The following HPSE2 variants were observed in gnomAD, a reference collection of about 807,000 sequenced individuals.
The protein encoded by HPSE2 is inactive heparanase-2.
HPSE2 carries 38 observed loss-of-function variants against 60.5 expected under a neutral mutation model. The observed-to-expected ratio is 0.63, with a 90% CI of 0.48 to 0.82. HPSE2 has a LOEUF of 0.82. Ranked by LOEUF, HPSE2 falls within the 40% of genes least tolerant of loss-of-function variation. The probability of loss-of-function intolerance (pLI) is 0.00; values close to 1 mark genes in which losing one functional copy is unlikely to be tolerated. For missense variants in HPSE2, 713 were observed against 740.4 expected, an observed-to-expected ratio of 0.96 and a Z score of 0.43; for synonymous variants, 295 against 293.2, an observed-to-expected ratio of 1.01 and a Z score of -0.06.
intron 3 of HPSE2, among the ~76,000 whole-genome samples, chr10:98,867,129 G>GTA (rs1164053662): frequency 6.6e-6 from 1 of 152,078 alleles, no homozygotes; most frequent in Non-Finnish European, 1.5e-5. Flanking sequence ...AAGGACCTTA[G>GTA]TAATCTCCTT....
At chr10:98,656,456 T>C (rs1307659065) in intron 6 of HPSE2, among the ~76,000 whole-genome samples, 1 of 152,232 alleles carries the variant, frequency 6.6e-6, no homozygotes, top group Non-Finnish European at 1.5e-5. Flanking sequence ...ACTGTCCCTA[T>C]GCATGCCTCT....
At chr10:98,778,566 G>A (rs72836726) in intron 3 of HPSE2, among the ~76,000 whole-genome samples, 2,281 of 152,246 alleles carry the variant, frequency 0.015, 31 homozygotes, top group African/African-American at 0.03. Flanking sequence ...ACCACACTGA[G>A]AAACTGGGAG....
intron 3 of HPSE2, among the ~76,000 whole-genome samples, chr10:98,836,031 A>T: frequency 6.6e-6 from 1 of 152,238 alleles, no homozygotes; most frequent in East Asian, 1.9e-4. Flanking sequence ...GGCCTAGTCA[A>T]CATGAGCCAG....
intron 3 of HPSE2, among the ~76,000 whole-genome samples, chr10:99,125,953 G>C (rs1240775723): frequency 1.3e-5 from 2 of 152,280 alleles, no homozygotes; most frequent in East Asian, 3.9e-4. Context: ...ATTTTGACTG[G>C]GAGTGAATTT....
At chr10:98,693,811 A>C in intron 6 of HPSE2, 89 bp downstream of exon 6, 1 of 1,089,384 alleles carries the variant, frequency 9.2e-7, no homozygotes, top group Non-Finnish European at 1.4e-6. Flanking sequence ...ATAGCTTATT[A>C]AATGTCAGTT....
chr10:99,245,973 G>C, the HPSE2 span, among the ~76,000 whole-genome samples: 2 of 152,124 alleles, frequency 1.3e-5, no homozygotes, highest in African/African-American at 4.8e-5. Context: ...ACATAAAATA[G>C]GTTTTAAATA....
In HPSE2 at chr10:98,738,554, A is replaced by C. The variant is rs184438959; in HGVS notation, c.784+5329T>G. On this transcript the variant is annotated intron_variant, in intron 4 of 11. Coordinates refer to ENST00000370552, the MANE Select transcript of HPSE2 (RefSeq NM_021828.5). ...GTGAACAGGCAACCTACAGAATGAG[A>C]GAAAATTTTTGCAATCTATCCATCT... is the stretch of plus-strand genomic sequence containing the variant. 1.5e-3 allele frequency among the ~76,000 whole-genome samples: 236 copies of C among 152,356 alleles called. 2 individuals are homozygous for C. Among genetic ancestry groups the C allele is most frequent in the African/African-American group, 5.3e-3 (220 of 41,588 alleles).
intron 3 of HPSE2, among the ~76,000 whole-genome samples, chr10:99,128,357 T>C (rs946043230): frequency 6.6e-6 from 1 of 152,178 alleles, no homozygotes; most frequent in Non-Finnish European, 1.5e-5. Context: ...TAAATTATTA[T>C]ATTACAAAGA....
At chr10:98,552,039 A>T (rs1200608053) in intron 9 of HPSE2, among the ~76,000 whole-genome samples, 1 of 152,194 alleles carries the variant, frequency 6.6e-6, no homozygotes, top group Non-Finnish European at 1.5e-5. Flanking sequence ...AAAAACAAAG[A>T]AACTGACAGA....
chr10:98,859,408 T>G (rs1952399233), intron 3 of HPSE2, among the ~76,000 whole-genome samples: 1 of 152,190 alleles, frequency 6.6e-6, no homozygotes, highest in African/African-American at 2.4e-5. Flanking sequence ...TGAGGGTGTT[T>G]CTGGAAGAGA....
At chr10:99,153,365 G>C (rs1166789685) in intron 2 of HPSE2, among the ~76,000 whole-genome samples, 1 of 152,208 alleles carries the variant, frequency 6.6e-6, no homozygotes, top group Admixed American at 6.5e-5. Flanking sequence ...TGACAGCTTT[G>C]AAGAGAGCAC....
chr10:99,238,646 T>C (rs1849905332), upstream of HPSE2, among the ~76,000 whole-genome samples: 1 of 152,198 alleles, frequency 6.6e-6, no homozygotes, highest in Non-Finnish European at 1.5e-5. Flanking sequence ...TGGGTTTAGA[T>C]CTCCAGAGAT....
intron 9 of HPSE2, among the ~76,000 whole-genome samples, chr10:98,498,578 A>T (rs184528612): frequency 5.8e-4 from 89 of 152,300 alleles, no homozygotes; most frequent in Non-Finnish European, 1.1e-3. Flanking sequence ...TGGTGATATG[A>T]CAAAACAAGG....
At chr10:98,500,589 G>A (rs1941997643) in intron 9 of HPSE2, among the ~76,000 whole-genome samples, 1 of 152,114 alleles carries the variant, frequency 6.6e-6, no homozygotes, top group Non-Finnish European at 1.5e-5. Context: ...AGCACAGACT[G>A]ACATTCTAAG....
Position 98,836,538 on chromosome 10 carries a change from G to A in HPSE2, c.611-92482C>T, listed in dbSNP as rs533569315. Among the ~76,000 whole-genome samples, 4 of 152,234 alleles carry A rather than the reference G, an allele frequency of 2.6e-5. No homozygotes were observed. In the South Asian group the frequency reaches 8.3e-4, roughly 32 times the overall value. ...AAAGTAACTTCTGATAAAAAAAATT[G>A]TTACAAGGTTTATGCAGTTATGGAA... On this transcript the variant is annotated intron_variant, in intron 3 of 11. Coordinates refer to ENST00000370552, the MANE Select transcript of HPSE2 (RefSeq NM_021828.5).
At chr10:99,012,148 A>T (rs1957032626) in intron 3 of HPSE2, among the ~76,000 whole-genome samples, 1 of 152,070 alleles carries the variant, frequency 6.6e-6, no homozygotes, top group Admixed American at 6.6e-5. Flanking sequence ...CTGAGTAGAC[A>T]TGTTTCACAC....
intron 9 of HPSE2, among the ~76,000 whole-genome samples, chr10:98,534,336 C>A (rs147243154): frequency 7.4e-4 from 113 of 152,312 alleles, no homozygotes; most frequent in African/African-American, 2.5e-3. Context: ...GCCTCATAGT[C>A]ATAACCTGAG....
intron 2 of HPSE2, among the ~76,000 whole-genome samples, chr10:99,165,647 A>G (rs1273734936): frequency 6.6e-6 from 1 of 152,002 alleles, no homozygotes; most frequent in East Asian, 1.9e-4. Context: ...CCTGGGTTCA[A>G]GTGATTCTCC....
At chr10:99,021,306 C>T (rs2135426104) in intron 3 of HPSE2, among the ~76,000 whole-genome samples, 1 of 152,216 alleles carries the variant, frequency 6.6e-6, no homozygotes, top group East Asian at 1.9e-4. Context: ...ATTATTAACC[C>T]TAATAACACT....
Sources: gnomAD v4.1 joint callset for allele counts (sites outside exome capture counted in the v4.1 genomes callset) on GRCh38, gnomAD v4.1.1 for gene constraint, MANE v1.5 for transcripts, NCBI Gene and HGNC (gene_info 2026-07-23, HGNC 2026-07-21) for gene names.